RTN1: variants seen among roughly 807,000 people sequenced by gnomAD.
RTN1 encodes reticulon-1.
A neutral mutation model predicts 65.5 loss-of-function variants in RTN1; 25 were observed. That is an observed-to-expected ratio of 0.38 (90% CI 0.28 to 0.53). RTN1 has a LOEUF of 0.53. RTN1 is among the 20% of genes least tolerant of loss of function. The pLI is 0.79. For missense variants in RTN1, 983 were observed against 1,025.4 expected (o/e 0.96, Z 0.57); for synonymous variants, 471 against 447.6 (o/e 1.05, Z -0.66).
At chr14:59,757,155 AC>A (rs1333785796) in intron 1 of RTN1, among the ~76,000 whole-genome samples, 1 of 152,088 alleles carries the variant, frequency 6.6e-6, no homozygotes, top group Non-Finnish European at 1.5e-5. Flanking sequence ...TAATATCCTA[AC>A]CCCAAAGATG....
At position 59,713,573 on chromosome 14, in the gene RTN1, CA is replaced by C. The variant is rs776952425; in HGVS notation, c.1765+13345del. ...GGTCCTTGGACTAAGGAAAATACTG[CA>C]AAAAGTCACAAGCATGTCTTACCCT... is the stretch of plus-strand genomic sequence containing the variant. On this transcript the variant is annotated intron_variant, in intron 3 of 8. Transcript: ENST00000267484. 1.2e-4 allele frequency among the ~76,000 whole-genome samples: 18 copies of C among 152,272 alleles called. 1 individual carries two copies. In the Middle Eastern group the frequency reaches 0.02, roughly 173 times the overall value.
Position 59,752,922 on chromosome 14 carries a change from TC to T in RTN1, c.242-6442del, listed in dbSNP as rs893229288. On this transcript the variant is annotated intron_variant, in intron 1 of 8. Transcript: ENST00000267484. Reference sequence around the variant, plus strand: ...TATTCTCAGAACAAGAGTATTCTGATCATGGTAGACACAGGCAGAGAGAGAC... The same window carrying T: ...TATTCTCAGAACAAGAGTATTCTGATATGGTAGACACAGGCAGAGAGAGAC... Among the ~76,000 whole-genome samples, 11 of 152,292 alleles carry T rather than the reference TC, an allele frequency of 7.2e-5. 1 individual carries two copies. The highest frequency in any genetic ancestry group is 2.0e-4 in the Admixed American group (3 of 15,298).
chr14:59,798,285 T>A (rs1213609767), intron 1 of RTN1, among the ~76,000 whole-genome samples: 1 of 152,206 alleles, frequency 6.6e-6, no homozygotes, highest in African/African-American at 2.4e-5. Context: ...CACTGACTAA[T>A]TGCATGAATT....
In RTN1 at chr14:59,816,011, A is replaced by T. The variant is rs994787905; in HGVS notation, c.241+54379T>A. Among the ~76,000 whole-genome samples the T allele has an allele frequency of 6.6e-6, 1 of 152,192 alleles. No individual in the cohort carries two copies. Among genetic ancestry groups the T allele is most frequent in the Non-Finnish European group, 1.5e-5 (1 of 68,030 alleles). ...TTGTACCACCTGCTCTTCGTCCAAG[A>T]TATGAAGTGCCTTCATGCAGCCTTC... is the stretch of plus-strand genomic sequence containing the variant. On this transcript the variant is annotated intron_variant, in intron 1 of 8. Coordinates refer to ENST00000267484, the MANE Select transcript of RTN1 (RefSeq NM_021136.3). This position sits in a 1 kb window ranked among gnomAD's most constrained non-coding sequence, Gnocchi z 4.3.
At chr14:59,656,960 A>C (rs1883133816) in intron 3 of RTN1, among the ~76,000 whole-genome samples, 1 of 151,968 alleles carries the variant, frequency 6.6e-6, no homozygotes, top group South Asian at 2.1e-4. Flanking sequence ...GATGACTCAC[A>C]GGAAATTAGC....
At position 59,790,294 on chromosome 14, in the gene RTN1, C is replaced by T. The variant is rs575517572; in HGVS notation, c.242-43813G>A. On this transcript the variant is annotated intron_variant, in intron 1 of 8. Transcript: ENST00000267484. This position sits in a 1 kb window ranked among gnomAD's most constrained non-coding sequence, Gnocchi z 4.1. ...ACACACACACACAGACACACACACA[C>T]ACCTCTAGGAAAAAAGTAGTGGGAA... Among the ~76,000 whole-genome samples the T allele has an allele frequency of 1.3e-5, 2 of 152,122 alleles. No individual in the cohort carries two copies. Among genetic ancestry groups the T allele is most frequent in the Non-Finnish European group, 2.9e-5 (2 of 67,952 alleles).
chr14:59,753,129 T>C (rs930515089), intron 1 of RTN1, among the ~76,000 whole-genome samples: 2 of 152,208 alleles, frequency 1.3e-5, no homozygotes, highest in Non-Finnish European at 2.9e-5. Context: ...CCCAAGGTGA[T>C]GCCTCTGAGA....
intron 3 of RTN1, among the ~76,000 whole-genome samples, chr14:59,685,629 C>T (rs967183342): frequency 6.6e-6 from 1 of 152,012 alleles, no homozygotes; most frequent in Non-Finnish European, 1.5e-5. Flanking sequence ...TATCTCTACA[C>T]TAAAGACTGT....
At chr14:59,717,879 C>T (rs1055206191) in intron 3 of RTN1, among the ~76,000 whole-genome samples, 10 of 152,220 alleles carry the variant, frequency 6.6e-5, no homozygotes, top group Admixed American at 5.9e-4. Context: ...TCAGCCCCGA[C>T]ATAGTCCCTA....
At chr14:59,749,649 TTATATAGATATC>T (rs1333642339) in intron 1 of RTN1, among the ~76,000 whole-genome samples, 2,143 of 36,528 alleles carry the variant, frequency 0.059, 183 homozygotes, top group African/African-American at 0.31. Context: ...CTATATATAT[TTATATAGATATC>T]TATATATATT....
At chr14:59,611,936 C>T (rs568506716) in intron 3 of RTN1, among the ~76,000 whole-genome samples, 2 of 152,252 alleles carry the variant, frequency 1.3e-5, no homozygotes, top group South Asian at 2.1e-4. Context: ...GGTCACATTC[C>T]ATGAGCCCCA....
Position 59,846,653 on chromosome 14 carries a change from T to C in RTN1, c.241+23737A>G, listed in dbSNP as rs1887416556. Reference sequence around the variant, plus strand: ...TTTAAAGTTTCACATTTTAAAACTATGTGTGCTTTTACTCCTTGATGCATA... The same window carrying C: ...TTTAAAGTTTCACATTTTAAAACTACGTGTGCTTTTACTCCTTGATGCATA... On this transcript the variant is annotated intron_variant, in intron 1 of 8. Coordinates refer to ENST00000267484, the MANE Select transcript of RTN1 (RefSeq NM_021136.3). The surrounding 1 kb of genome is among the most constrained non-coding windows in gnomAD (Gnocchi z 4.8). Among the ~76,000 whole-genome samples, 1 of 152,208 alleles carries C rather than the reference T, an allele frequency of 6.6e-6. No individual in the cohort carries two copies. The highest frequency in any genetic ancestry group is 2.4e-5 in the African/African-American group (1 of 41,460).
At chr14:59,681,636 A>C (rs896227374) in intron 3 of RTN1, among the ~76,000 whole-genome samples, 1 of 152,106 alleles carries the variant, frequency 6.6e-6, no homozygotes, top group Non-Finnish European at 1.5e-5. Flanking sequence ...GCCTGGACCT[A>C]GCTCTTGAGT....
chr14:59,763,480 T>C (rs762573550), intron 1 of RTN1, among the ~76,000 whole-genome samples: 2 of 151,912 alleles, frequency 1.3e-5, no homozygotes, highest in Non-Finnish European at 2.9e-5. Context: ...ATAAATTACA[T>C]GCAATAAATT....
chr14:59,724,593 G>A (rs1422371645), intron 3 of RTN1, among the ~76,000 whole-genome samples: 2 of 152,190 alleles, frequency 1.3e-5, no homozygotes, highest in Admixed American at 6.5e-5. Flanking sequence ...GGCTGGGCGT[G>A]GTGGCTCACG....
At position 59,810,795 on chromosome 14, in the gene RTN1, A is replaced by G. The variant is rs138397447; in HGVS notation, c.241+59595T>C. On this transcript the variant is annotated intron_variant, in intron 1 of 8. Transcript: ENST00000267484. ...AAGGACAAGTACAGCCATGGCAGCA[A>G]GACAATATGTTGCGTGTAGAGAACT... 4.2e-3 allele frequency among the ~76,000 whole-genome samples: 638 copies of G among 152,300 alleles called. 9 individuals are homozygous for G. The highest frequency in any genetic ancestry group is 0.015 in the African/African-American group (603 of 41,566).
At chr14:59,778,869 G>A (rs1886101250) in intron 1 of RTN1, among the ~76,000 whole-genome samples, 1 of 152,188 alleles carries the variant, frequency 6.6e-6, no homozygotes, top group Admixed American at 6.6e-5. Context: ...TGAGGCTGGA[G>A]AGGGAGAACA....
At chr14:59,708,544 A>C (rs1319012014) in intron 3 of RTN1, among the ~76,000 whole-genome samples, 1 of 152,224 alleles carries the variant, frequency 6.6e-6, no homozygotes, top group Non-Finnish European at 1.5e-5. Context: ...TGCCCCAGTA[A>C]AGTATTGTCA....
chr14:59,610,297 T>C (rs965712929), intron 3 of RTN1: 2 of 585,502 alleles, frequency 3.4e-6, no homozygotes, highest in Non-Finnish European at 6.1e-6. Context: ...TAGCAGATCT[T>C]TCAATTACTT....
Sources: gnomAD v4.1 joint callset for allele counts (sites outside exome capture counted in the v4.1 genomes callset) on GRCh38, gnomAD v4.1.1 for gene constraint, Gnocchi (gnomAD v3.1) non-coding constraint, MANE v1.5 for transcripts, NCBI Gene and HGNC (gene_info 2026-07-23, HGNC 2026-07-21) for gene names.